Variants in NEIL1 observed in about 807,000 individuals in gnomAD.
NEIL1 encodes the protein nei like DNA glycosylase 1, also known as endonuclease 8-like 1.
A neutral mutation model predicts 44.2 loss-of-function variants in NEIL1; 31 were observed. The observed-to-expected ratio is 0.70, with a 90% CI of 0.53 to 0.95. The LOEUF (loss-of-function observed/expected upper bound fraction) is 0.95, where lower values mean the gene tolerates loss of function less well. Ranked by LOEUF, NEIL1 falls within the 40% of genes least tolerant of loss-of-function variation. The pLI is 0.00. For missense variants in NEIL1, 549 were observed against 515.5 expected, an observed-to-expected ratio of 1.07 and a Z score of -0.63; for synonymous variants, 254 against 209.7, an observed-to-expected ratio of 1.21 and a Z score of -1.83.
Position 75,352,117 on chromosome 15 carries a change from T to G in NEIL1, c.441T>G (p.Asn147Lys), listed in dbSNP as rs751564394. The change falls in exon 3 of 10, where the codon AAT becomes AAG. Residue 147 changes from asparagine (N) to lysine (K), a missense_variant. Asn to Lys is a moderately conservative substitution (Grantham distance 94, BLOSUM62 0). Transcript: ENST00000355059. ...VLQEYQQFRENVLRNLADKAF... is the reference protein window; with the variant it reads ...VLQEYQQFREKVLRNLADKAF... The stretch of plus-strand genomic sequence containing the variant: ...CCAGACCGTGTTCCTCCAGGGAGAA[T>G]GTGCTACGAAACCTAGCGGATAAGG... 2 of 1,614,030 alleles carry G rather than the reference T, an allele frequency of 1.2e-6. No homozygotes were observed. Among genetic ancestry groups the G allele is most frequent in the East Asian group, 4.5e-5 (2 of 44,892 alleles).
rs3803466 is a variant in NEIL1 at position 75,356,309 on chromosome 15, C to T, written c.*1275C>T. The stretch of plus-strand genomic sequence containing the variant: ...CACGTCCCACCCCTTGCCTGCTTGA[C>T]GGTCTCCAATACGACCGCGGGTGAA... On this transcript the variant is annotated 3_prime_UTR_variant, in exon 10 of 10. Coordinates refer to ENST00000355059, the MANE Select transcript of NEIL1 (RefSeq NM_024608.4). The surrounding 1 kb of genome is among the most constrained non-coding windows in gnomAD (Gnocchi z 5.8). 22,538 of 1,611,932 alleles carry T rather than the reference C, an allele frequency of 0.014. 1,502 individuals are homozygous for T. In the Admixed American group the frequency reaches 0.16, roughly 11 times the overall value.
At chr15:75,348,858 C>A in intron 1 of NEIL1, 26 bp from the exon 2 acceptor site, 2 of 1,592,368 alleles carry the variant, frequency 1.3e-6, no homozygotes, top group East Asian at 2.2e-5. Flanking sequence ...ACACCGGGCT[C>A]AACCCGCTGC....
Position 75,348,245 on chromosome 15 carries a change from C to T in NEIL1, c.-22-639C>T, listed in dbSNP as rs566877288. The T allele has an allele frequency of 9.9e-4, 858 of 867,780 alleles. 6 individuals carry two copies. In the African/African-American group the frequency reaches 0.015, roughly 15 times the overall value. 53.8% of individuals were successfully genotyped at this position (867,780 alleles called of 1,614,324 possible). A position where few individuals can be genotyped will look rare whatever the true frequency, so the allele number is the denominator to read the frequency against. On this transcript the variant is annotated intron_variant, in intron 1 of 9. Transcript: ENST00000355059. ...CCGCGGGGATGTCCGGTCCGTGGGG[C>T]AGGCCCGGTTCTCGCTGCGGCCAAG... is the stretch of plus-strand genomic sequence containing the variant.
At chr15:75,352,265 G>C (rs1258893924) in intron 3 of NEIL1, 35 bp downstream of exon 3, 2 of 1,614,078 alleles carry the variant, frequency 1.2e-6, no homozygotes, top group African/African-American at 1.3e-5. Context: ...GGACTGCGGT[G>C]GGCCAGGTGT....
rs2072027574 is a variant in NEIL1 at position 75,352,847 on chromosome 15, T to C, written c.718+146T>C. ...TGGACTAGGCCTCCTCACTTGTCAA[T>C]AGTGTTTCCAGGCTGGGCGCAGTGG... On this transcript the variant is annotated intron_variant, in intron 5 of 9. Transcript: ENST00000355059. 2.8e-5 allele frequency: 19 copies of C among 682,296 alleles called. No individual in the cohort carries two copies. The South Asian group carries it at 3.1e-4, about 11-fold the overall frequency. 42.3% of individuals were successfully genotyped at this position (682,296 alleles called of 1,614,324 possible). A position where few individuals can be genotyped will look rare whatever the true frequency, so the allele number is the denominator to read the frequency against.
At chr15:75,353,938 T>C (rs2072137194) in intron 6 of NEIL1, 72 bp downstream of exon 6, 7 of 1,584,672 alleles carry the variant, frequency 4.4e-6, no homozygotes, top group Non-Finnish European at 6.0e-6. Flanking sequence ...TCACAATAAC[T>C]GGGGTGGTGA....
chr15:75,354,227 G>A (rs375146001), intron 6 of NEIL1, 23 bp from the exon 7 acceptor site: 15 of 1,613,818 alleles, frequency 9.3e-6, no homozygotes, highest in African/African-American at 8.0e-5. Flanking sequence ...GCTGATTCCT[G>A]AATTATCCCC....
At position 75,355,966 on chromosome 15, in the gene NEIL1, G is replaced by A. The variant is rs778267823; in HGVS notation, c.*932G>A. 6.8e-6 allele frequency: 11 copies of A among 1,614,094 alleles called. No individual in the cohort carries two copies. The Admixed American group carries it at 1.0e-4, about 15-fold the overall frequency. On this transcript the variant is annotated 3_prime_UTR_variant, in exon 10 of 10. Transcript: ENST00000355059. ...ACAGCACTTGGAAGGGAGAAAAGGT[G>A]AGCTTCAGGCGGTTGTCCCGAAGGG...
rs1345790518 is a variant in NEIL1, at chr15:75,352,604, C to T, written c.621C>T (p.Ser207=). The T allele has an allele frequency of 6.2e-7, 1 of 1,612,616 alleles. No individual in the cohort carries two copies. Among genetic ancestry groups the T allele is most frequent in the Non-Finnish European group, 8.5e-7 (1 of 1,179,314 alleles). Reference sequence around the variant, plus strand: ...TCCTGCCCCTGCCCCTTCCTCAGAGCCCGGAGCTGACCCTGAGCCAGAAGA... The same window carrying T: ...TCCTGCCCCTGCCCCTTCCTCAGAGTCCGGAGCTGACCCTGAGCCAGAAGA... ...VLEALQQHRP[S]PELTLSQKIR... The change falls in exon 5 of 10, where the codon AGC becomes AGT. Residue 207 remains serine, a splice_region_variant and synonymous_variant. Transcript: ENST00000355059.
chr15:75,349,595 C>G (rs2071722974), intron 2 of NEIL1: 2 of 506,824 alleles, frequency 3.9e-6, no homozygotes, highest in Admixed American at 3.4e-5. Flanking sequence ...GCGGGCAGAT[C>G]ACGAGGTCAG....
intron 6 of NEIL1, 41 bp downstream of exon 6, chr15:75,353,907 C>T (rs373674334): frequency 6.2e-7 from 1 of 1,609,254 alleles, no homozygotes; most frequent in African/African-American, 1.3e-5. Context: ...CCCCAGGAGG[C>T]TGATGGGTGG....
chr15:75,355,185 TC>T lies in NEIL1; in HGVS notation c.*152del, dbSNP rs1340114432. ...CTCTCATGGTTTTAATTGTACCCCA[TC>T]TTCCACATCTTTAAAGCTCATGTGA... On this transcript the variant is annotated 3_prime_UTR_variant, in exon 10 of 10. Coordinates refer to ENST00000355059, the MANE Select transcript of NEIL1 (RefSeq NM_024608.4). 1.6e-6 allele frequency: 1 copy of T among 629,882 alleles called. No individual in the cohort carries two copies. The highest frequency in any genetic ancestry group is 2.8e-6 in the Non-Finnish European group (1 of 359,160). 39.0% of individuals were successfully genotyped at this position (629,882 alleles called of 1,614,324 possible). A position where few individuals can be genotyped will look rare whatever the true frequency, so the allele number is the denominator to read the frequency against.
chr15:75,356,937 T>C lies in NEIL1; in HGVS notation c.*1903T>C, dbSNP rs775681914. 4.5e-6 allele frequency: 7 copies of C among 1,567,884 alleles called. No homozygotes were observed. The African/African-American group carries it at 9.5e-5, about 21-fold the overall frequency. ...AGATCCAAGACCCACTTGGTGGCCC[T>C]GTGCCCCTCTTTGTGCTCCCAGACT... On this transcript the variant is annotated 3_prime_UTR_variant, in exon 10 of 10. Coordinates refer to ENST00000355059, the MANE Select transcript of NEIL1 (RefSeq NM_024608.4). The surrounding 1 kb of genome is among the most constrained non-coding windows in gnomAD (Gnocchi z 5.8).
Position 75,356,453 on chromosome 15 carries a change from G to C in NEIL1, c.*1419G>C, listed in dbSNP as rs758237842. On this transcript the variant is annotated 3_prime_UTR_variant, in exon 10 of 10. Transcript: ENST00000355059. The surrounding 1 kb of genome is among the most constrained non-coding windows in gnomAD (Gnocchi z 5.8). ...ACGCCAGCATCCTGGAAAGAGCCTG[G>C]GGTACGACCAGGAAACAATGCTGGT... The C allele has an allele frequency of 8.2e-6, 13 of 1,593,740 alleles. No homozygotes were observed. The South Asian group carries it at 1.3e-4, about 15-fold the overall frequency.
rs987490356 is a variant in NEIL1, at chr15:75,356,969, C to T, written c.*1935C>T. 2 of 1,297,842 alleles carry T rather than the reference C, an allele frequency of 1.5e-6. No homozygotes were observed. The highest frequency in any genetic ancestry group is 2.2e-6 in the Non-Finnish European group (2 of 901,330). The allele number at this position is 1,297,842 out of a possible 1,614,324, so 80.4% of individuals were successfully genotyped here. A position where few individuals can be genotyped will look rare whatever the true frequency, so the allele number is the denominator to read the frequency against. On this transcript the variant is annotated 3_prime_UTR_variant, in exon 10 of 10. Transcript: ENST00000355059. This position sits in a 1 kb window ranked among gnomAD's most constrained non-coding sequence, Gnocchi z 5.8. Reference sequence around the variant, plus strand: ...CTCTTTGTGCTCCCAGACTCCAGAGCTCCTGTCACTAGGCCGAGCACAAGC... The same window carrying T: ...CTCTTTGTGCTCCCAGACTCCAGAGTTCCTGTCACTAGGCCGAGCACAAGC...
Position 75,354,715 on chromosome 15 carries a change from G to C in NEIL1, c.999G>C (p.Lys333Asn). The change falls in exon 9 of 10, where the codon AAG becomes AAC. Residue 333 changes from lysine to asparagine, a missense_variant. Lys to Asn is a moderately conservative substitution (Grantham distance 94). Transcript: ENST00000355059. ...RTRRAKRDLPKRTATQRPEGT... is the reference protein window; with the variant it reads ...RTRRAKRDLPNRTATQRPEGT... ...GAAGGGCAAAGAGAGACCTTCCTAAGAGGACTGCAACCCAGCGGCCTGAGG... is the reference window on the plus strand; with the variant it reads ...GAAGGGCAAAGAGAGACCTTCCTAACAGGACTGCAACCCAGCGGCCTGAGG... 6.2e-7 allele frequency: 1 copy of C among 1,614,174 alleles called. No homozygotes were observed. Among genetic ancestry groups the C allele is most frequent in the Non-Finnish European group, 8.5e-7 (1 of 1,180,042 alleles).
rs987326222 is a variant in NEIL1 at position 75,350,062 on chromosome 15, G to A, written c.434+723G>A. On this transcript the variant is annotated intron_variant, in intron 2 of 9. Transcript: ENST00000355059. ...GGGACTATCTCATGACATGGCTTCCGCCTTGGGCTTTGTGGTCTCCCACAT... is the reference window on the plus strand; with the variant it reads ...GGGACTATCTCATGACATGGCTTCCACCTTGGGCTTTGTGGTCTCCCACAT... Among the ~76,000 whole-genome samples the A allele has an allele frequency of 7.9e-5, 12 of 152,342 alleles. No individual in the cohort carries two copies. In the South Asian group the frequency reaches 1.0e-3, roughly 13 times the overall value.
chr15:75,349,221 CCTGGCCCCCGG>C lies in NEIL1; in HGVS notation c.319_329del (p.Gly107ArgfsTer45), dbSNP rs2071686659. ...CCACCTGCGCTTTTACACGGCCCCG[CCTGGCCCCCGG>C]CTCGCCCTATGTTTCGTGGACATCC... On this transcript the variant is annotated frameshift_variant, in exon 2 of 10. Transcript: ENST00000355059. LOFTEE classifies it high-confidence loss of function. 6.2e-7 allele frequency: 1 copy of C among 1,609,882 alleles called. No individual in the cohort carries two copies. The highest frequency in any genetic ancestry group is 2.2e-5 in the East Asian group (1 of 44,876).
rs972108764 is a variant in NEIL1 at position 75,349,419 on chromosome 15, GGC to G, written c.434+82_434+83del. ...CTTAGTGCCTTCTTGGCCAACAAGGGGCGAGTCCCTGCCCCTTCTGGGCCTCA... is the reference window on the plus strand; with the variant it reads ...CTTAGTGCCTTCTTGGCCAACAAGGGGAGTCCCTGCCCCTTCTGGGCCTCA... On this transcript the variant is annotated intron_variant, in intron 2 of 9. Coordinates refer to ENST00000355059, the MANE Select transcript of NEIL1 (RefSeq NM_024608.4). 114 of 1,374,716 alleles carry G rather than the reference GGC, an allele frequency of 8.3e-5. No individual in the cohort carries two copies. The African/African-American group carries it at 1.4e-3, about 16-fold the overall frequency. 85.2% of individuals were successfully genotyped at this position (1,374,716 alleles called of 1,614,324 possible).
Sources: allele counts gnomAD v4.1 joint callset (sites outside exome capture counted in the v4.1 genomes callset), GRCh38; gene constraint gnomAD v4.1.1; non-coding constraint Gnocchi (gnomAD v3.1); transcripts MANE v1.5; gene names NCBI Gene and HGNC (gene_info 2026-07-23, HGNC 2026-07-21).